The following SRBD1 variants were observed in gnomAD, a reference collection of about 807,000 sequenced individuals.
The protein encoded by SRBD1 is S1 RNA binding domain 1.
In SRBD1, 88 loss-of-function variants were observed where a neutral mutation model predicts 115.3. That is an observed-to-expected ratio of 0.76 (90% CI 0.64 to 0.91). The LOEUF (loss-of-function observed/expected upper bound fraction) is 0.91. Among genes scored for constraint, SRBD1 ranks in the 40% least tolerant of loss-of-function variants. The pLI is 0.00. For missense variants in SRBD1, 1,385 were observed against 1,177.4 expected, an observed-to-expected ratio of 1.18 and a Z score of -2.58; for synonymous variants, 509 against 407.7, an observed-to-expected ratio of 1.25 and a Z score of -2.99.
At chr2:45,540,198 G>C (rs1354229882) in intron 14 of SRBD1, among the ~76,000 whole-genome samples, 1 of 152,044 alleles carries the variant, frequency 6.6e-6, no homozygotes, top group South Asian at 2.1e-4. Context: ...AAAATTAGCT[G>C]GGCATGGTGG....
chr2:45,462,516 T>A (rs1163742130), intron 16 of SRBD1, among the ~76,000 whole-genome samples: 1 of 152,160 alleles, frequency 6.6e-6, no homozygotes. Flanking sequence ...TATACACTTT[T>A]TAATAATACA....
intron 15 of SRBD1, among the ~76,000 whole-genome samples, chr2:45,480,304 G>T (rs1669922574): frequency 6.6e-6 from 1 of 152,148 alleles, no homozygotes; most frequent in African/African-American, 2.4e-5. Context: ...TTTCTCTGAG[G>T]ATCTGGGCAA....
At chr2:45,424,314 C>A (rs1668090345) in intron 16 of SRBD1, among the ~76,000 whole-genome samples, 1 of 152,096 alleles carries the variant, frequency 6.6e-6, no homozygotes, top group Non-Finnish European at 1.5e-5. Flanking sequence ...CTACTAAGTA[C>A]AGAATTCATT....
chr2:45,528,680 G>T (rs1671523535), intron 14 of SRBD1, among the ~76,000 whole-genome samples: 1 of 151,832 alleles, frequency 6.6e-6, no homozygotes, highest in South Asian at 2.1e-4. Context: ...AGCTCCAGAA[G>T]TGGATGAAGA....
chr2:45,580,993 C>T (rs1465703420), intron 6 of SRBD1, among the ~76,000 whole-genome samples: 7 of 152,032 alleles, frequency 4.6e-5, no homozygotes, highest in African/African-American at 1.7e-4. Flanking sequence ...AATTCTTCTA[C>T]TTCTTAATCC....
chr2:45,435,574 A>AC (rs1491529727), intron 16 of SRBD1, among the ~76,000 whole-genome samples: 43 of 18,194 alleles, frequency 2.4e-3, no homozygotes, highest in African/African-American at 4.2e-3. Context: ...AAAAAAAAAC[A>AC]AAAAAAAAAA....
intron 16 of SRBD1, among the ~76,000 whole-genome samples, chr2:45,462,181 G>T (rs946420287): frequency 6.6e-6 from 1 of 152,164 alleles, no homozygotes; most frequent in Non-Finnish European, 1.5e-5. Flanking sequence ...ATCACGCTGT[G>T]GTTAGTTGAA....
chr2:45,573,080 G>C (rs1673070369), intron 9 of SRBD1, 127 bp downstream of exon 9: 1 of 1,086,950 alleles, frequency 9.2e-7, no homozygotes, highest in South Asian at 2.1e-5. Flanking sequence ...AATATTATAA[G>C]AATTTATATA....
chr2:45,511,456 T>C (rs1486884022), intron 14 of SRBD1, among the ~76,000 whole-genome samples: 1 of 152,194 alleles, frequency 6.6e-6, no homozygotes, highest in African/African-American at 2.4e-5. Flanking sequence ...TGAGTGTTCA[T>C]GAACTTCCCC....
intron 19 of SRBD1, among the ~76,000 whole-genome samples, chr2:45,403,385 G>A (rs1341426658): frequency 6.6e-6 from 1 of 151,346 alleles, no homozygotes; most frequent in Non-Finnish European, 1.5e-5. Context: ...TTGTTCTACT[G>A]AAGTTATCAG....
At chr2:45,536,524 C>T (rs1572746919) in intron 14 of SRBD1, among the ~76,000 whole-genome samples, 1 of 152,128 alleles carries the variant, frequency 6.6e-6, no homozygotes, top group South Asian at 2.1e-4. Flanking sequence ...AAACCTTTTG[C>T]CTTGAAATAA....
At chr2:45,433,214 C>T (rs372053538) in intron 16 of SRBD1, among the ~76,000 whole-genome samples, 74 of 152,162 alleles carry the variant, frequency 4.9e-4, no homozygotes, top group Non-Finnish European at 5.7e-4. Context: ...TACAGGTGCT[C>T]GGTCACTAGG....
At position 45,424,838 on chromosome 2, in the gene SRBD1, T is replaced by G. The variant is rs529027966; in HGVS notation, c.2050-4944A>C. On this transcript the variant is annotated intron_variant, in intron 16 of 20. Coordinates refer to ENST00000263736, the MANE Select transcript of SRBD1 (RefSeq NM_018079.5). ...GGCAAATGAAATGTGAGGGTAAATC[T>G]GCTAGGTACTTCAGAAAAAGACTTC... 8.0e-4 allele frequency among the ~76,000 whole-genome samples: 122 copies of G among 152,276 alleles called. 1 individual carries two copies. The highest frequency in any genetic ancestry group is 2.8e-3 in the African/African-American group (115 of 41,584).
At chr2:45,431,803 G>T in intron 16 of SRBD1, among the ~76,000 whole-genome samples, 1 of 151,676 alleles carries the variant, frequency 6.6e-6, no homozygotes, top group Admixed American at 6.6e-5. Context: ...CAAACCAGTA[G>T]ACCAGTTATT....
chr2:45,525,464 T>TA (rs1306218066), intron 14 of SRBD1, among the ~76,000 whole-genome samples: 1 of 151,902 alleles, frequency 6.6e-6, no homozygotes, highest in Non-Finnish European at 1.5e-5. Flanking sequence ...ATTATCTAAA[T>TA]AAAAAATAGT....
intron 15 of SRBD1, among the ~76,000 whole-genome samples, chr2:45,478,598 G>T (rs1669872797): frequency 6.6e-6 from 1 of 152,140 alleles, no homozygotes; most frequent in Non-Finnish European, 1.5e-5. Context: ...AGCATTGCAG[G>T]TGATAGGAGA....
At chr2:45,605,483 C>CT in intron 1 of SRBD1, 42 bp from the exon 2 acceptor site, 1 of 1,559,844 alleles carries the variant, frequency 6.4e-7, no homozygotes, top group Non-Finnish European at 8.8e-7. Context: ...CTTGAATATT[C>CT]TTATCACTTT....
At chr2:45,498,038 G>A (rs1670515438) in intron 14 of SRBD1, among the ~76,000 whole-genome samples, 1 of 150,614 alleles carries the variant, frequency 6.6e-6, no homozygotes, top group African/African-American at 2.4e-5. Flanking sequence ...ATGAATGAAG[G>A]CTCCAGTTTG....
chr2:45,556,249 A>G (rs891580977), intron 10 of SRBD1, among the ~76,000 whole-genome samples: 2 of 151,848 alleles, frequency 1.3e-5, no homozygotes, highest in African/African-American at 4.8e-5. Context: ...GGATTTCTCT[A>G]CTCCATTGAA....
Sources: allele counts gnomAD v4.1 joint callset (sites outside exome capture counted in the v4.1 genomes callset), GRCh38; gene constraint gnomAD v4.1.1; transcripts MANE v1.5; gene names NCBI Gene and HGNC (gene_info 2026-07-23, HGNC 2026-07-21).